The following COL13A1 variants were observed in gnomAD, a reference collection of about 807,000 sequenced individuals.
COL13A1 encodes the protein collagen alpha-1(XIII) chain.
Under a neutral mutation model 130.9 loss-of-function variants are expected in COL13A1, and 89 were observed. The ratio of observed to expected loss-of-function variants is 0.68; its 90% CI spans 0.57 to 0.81. The LOEUF (loss-of-function observed/expected upper bound fraction) is 0.81, where lower values mean the gene tolerates loss of function less well. Among genes scored for constraint, COL13A1 ranks in the 30% least tolerant of loss-of-function variants. The pLI, the probability that COL13A1 is intolerant of heterozygous loss-of-function variation, is 0.00. For missense variants in COL13A1, 879 were observed against 934.6 expected, an observed-to-expected ratio of 0.94 and a Z score of 0.78; for synonymous variants, 402 against 341.6, an observed-to-expected ratio of 1.18 and a Z score of -1.95.
intron 7 of COL13A1, among the ~76,000 whole-genome samples, chr10:69,881,226 G>T (rs946335230): frequency 6.6e-6 from 1 of 152,178 alleles, no homozygotes; most frequent in East Asian, 1.9e-4. Flanking sequence ...ATCACCACAC[G>T]TCAGGGTGGA....
At chr10:69,863,038 A>T (rs942580) in intron 2 of COL13A1, among the ~76,000 whole-genome samples, 2 of 152,216 alleles carry the variant, frequency 1.3e-5, no homozygotes, top group Non-Finnish European at 2.9e-5. Context: ...GGCCACGGGT[A>T]AGGGCGTGCG....
chr10:69,941,156 T>A, intron 35 of COL13A1, 133 bp downstream of exon 35: 1 of 1,451,628 alleles, frequency 6.9e-7, no homozygotes. Context: ...ACCAGAAAGG[T>A]GCCACTGATG....
chr10:69,928,836 C>G lies in COL13A1; in HGVS notation c.1423-101C>G, dbSNP rs1216068605. On this transcript the variant is annotated intron_variant, in intron 27 of 40. Transcript: ENST00000645393. ...CTATCACTGGAGAAAGGTCTGTAAA[C>G]AACTTATCTGTACAAGCCAGCCTCC... The G allele has an allele frequency of 3.8e-6, 3 of 794,108 alleles. No individual in the cohort carries two copies. The Admixed American group carries it at 8.2e-5, about 22-fold the overall frequency. 49.2% of individuals were successfully genotyped at this position (794,108 alleles called of 1,614,324 possible).
chr10:69,811,165 C>T (rs558280333), intron 1 of COL13A1, among the ~76,000 whole-genome samples: 5 of 152,332 alleles, frequency 3.3e-5, no homozygotes, highest in Middle Eastern at 3.4e-3. Context: ...TTTGAGCATT[C>T]GTCCAGGCAT....
chr10:69,933,918 G>A (rs941720395), intron 31 of COL13A1, among the ~76,000 whole-genome samples: 1 of 152,116 alleles, frequency 6.6e-6, no homozygotes, highest in African/African-American at 2.4e-5. Context: ...GAATAGCACA[G>A]CACCGTTACC....
At chr10:69,933,362 G>A (rs573741319) in intron 31 of COL13A1, among the ~76,000 whole-genome samples, 7 of 152,208 alleles carry the variant, frequency 4.6e-5, no homozygotes, top group African/African-American at 1.4e-4. Context: ...GTGGTGAAAG[G>A]AAGAGAAAAC....
chr10:69,887,348 G>A (rs556857817), intron 7 of COL13A1, 108 bp from the exon 8 acceptor site: 5 of 1,156,650 alleles, frequency 4.3e-6, no homozygotes, highest in Non-Finnish European at 6.3e-6. Context: ...CCCCAAGGAC[G>A]ATCACACAAA....
chr10:69,888,753 T>C (rs370453248), intron 9 of COL13A1, among the ~76,000 whole-genome samples: 1 of 152,126 alleles, frequency 6.6e-6, no homozygotes, highest in African/African-American at 2.4e-5. Context: ...CCCTCCCCGA[T>C]TGAGACCCCA....
At chr10:69,925,265 G>A (rs1301326716) in intron 25 of COL13A1, among the ~76,000 whole-genome samples, 1 of 152,220 alleles carries the variant, frequency 6.6e-6, no homozygotes, top group African/African-American at 2.4e-5. Context: ...TAGCGGAATA[G>A]TTGATTATGT....
intron 17 of COL13A1, among the ~76,000 whole-genome samples, chr10:69,910,741 G>A (rs1022877043): frequency 6.6e-6 from 1 of 152,246 alleles, no homozygotes; most frequent in East Asian, 1.9e-4. Context: ...AAGATGCAAA[G>A]CGTGTTTAAA....
In COL13A1 at chr10:69,830,654, T is replaced by C. The variant is rs184301780; in HGVS notation, c.364+8216T>C. Among the ~76,000 whole-genome samples, 5 of 152,230 alleles carry C rather than the reference T, an allele frequency of 3.3e-5. No homozygotes were observed. In the East Asian group the frequency reaches 7.7e-4, roughly 24 times the overall value. On this transcript the variant is annotated intron_variant, in intron 2 of 40. Coordinates refer to ENST00000645393, the MANE Select transcript of COL13A1 (RefSeq NM_001368882.1). ...GGGACTGGGTAGAGACTGGGGTGCT[T>C]AGGGAGGTTCAGCTACATGGGTAGC...
Position 69,867,821 on chromosome 10 carries a change from G to A in COL13A1, c.372+16G>A, listed in dbSNP as rs769520483. ...AGGACCTCCTGTAAGTACTCAAGCCGAGGGTCTCGTGCATCTGAAAGGCCT... is the reference window on the plus strand; with the variant it reads ...AGGACCTCCTGTAAGTACTCAAGCCAAGGGTCTCGTGCATCTGAAAGGCCT... On this transcript the variant is annotated intron_variant, in intron 3 of 40. Coordinates refer to ENST00000645393, the MANE Select transcript of COL13A1 (RefSeq NM_001368882.1). The A allele has an allele frequency of 2.1e-5, 15 of 718,316 alleles. No individual in the cohort carries two copies. Among genetic ancestry groups the A allele is most frequent in the South Asian group, 7.4e-5 (5 of 67,588 alleles). The allele number at this position is 718,316 out of a possible 1,614,324, so 44.5% of individuals were successfully genotyped here.
intron 35 of COL13A1, among the ~76,000 whole-genome samples, chr10:69,942,269 C>G (rs997192370): frequency 2.0e-5 from 3 of 152,190 alleles, no homozygotes; most frequent in Non-Finnish European, 4.4e-5. Context: ...CCCCCCACCT[C>G]CCTGCACTGA....
rs10532425 is a variant in COL13A1, at chr10:69,877,699, TCACACACACACACACA to T, written c.436-308_436-293del. ...GTCTCTCTCTCTCTCTCTCTCTCTC[TCACACACACACACACA>T]CACACACACACACACACACACACAC... On this transcript the variant is annotated intron_variant, in intron 5 of 40. Transcript: ENST00000645393. 8.7e-3 allele frequency: 753 copies of T among 86,848 alleles called. 6 individuals carry two copies. The highest frequency in any genetic ancestry group is 0.016 in the East Asian group (45 of 2,784). 5.4% of individuals were successfully genotyped at this position (86,848 alleles called of 1,614,324 possible).
At chr10:69,955,058 C>T (rs991255265) in intron 39 of COL13A1, 1 of 152,224 alleles carries the variant, frequency 6.6e-6, no homozygotes, top group Non-Finnish European at 1.5e-5. Flanking sequence ...AGTTCAAGAG[C>T]TATTTTATCA....
chr10:69,818,738 T>C (rs901571493), intron 1 of COL13A1, among the ~76,000 whole-genome samples: 4 of 152,142 alleles, frequency 2.6e-5, no homozygotes, highest in Non-Finnish European at 4.4e-5. Context: ...AGATGGATGG[T>C]CCAGCTCAAG....
intron 17 of COL13A1, among the ~76,000 whole-genome samples, chr10:69,908,461 T>G (rs1193132022): frequency 6.6e-6 from 1 of 152,186 alleles, no homozygotes; most frequent in African/African-American, 2.4e-5. Context: ...GCCAGCTCTT[T>G]CAAGCTGTGA....
In COL13A1 at chr10:69,836,023, C is replaced by T. The variant is rs137981415; in HGVS notation, c.364+13585C>T. ...GCCACAGAGCTAGTGTGTGTTGAAGCCAGAATTTAAGTAGTCTGAGTCTGG... is the reference window on the plus strand; with the variant it reads ...GCCACAGAGCTAGTGTGTGTTGAAGTCAGAATTTAAGTAGTCTGAGTCTGG... On this transcript the variant is annotated intron_variant, in intron 2 of 40. Coordinates refer to ENST00000645393, the MANE Select transcript of COL13A1 (RefSeq NM_001368882.1). Among the ~76,000 whole-genome samples, 172 of 152,312 alleles carry T rather than the reference C, an allele frequency of 1.1e-3. 1 individual carries two copies. The highest frequency in any genetic ancestry group is 3.8e-3 in the African/African-American group (156 of 41,570).
intron 1 of COL13A1, among the ~76,000 whole-genome samples, chr10:69,813,778 TG>T (rs1227594101): frequency 6.6e-6 from 1 of 152,128 alleles, no homozygotes; most frequent in Non-Finnish European, 1.5e-5. Flanking sequence ...TGGCTACGAG[TG>T]GGCCTGTCCC....
Sources: gnomAD v4.1 joint callset for allele counts (sites outside exome capture counted in the v4.1 genomes callset) on GRCh38, gnomAD v4.1.1 for gene constraint, MANE v1.5 for transcripts, NCBI Gene and HGNC (gene_info 2026-07-23, HGNC 2026-07-21) for gene names.